PRDM11: variants seen among roughly 807,000 people sequenced by gnomAD.
PRDM11 encodes PR/SET domain 11.
In PRDM11, 20 loss-of-function variants were observed where a neutral mutation model predicts 97.8. The observed-to-expected ratio is 0.20, with a 90% CI of 0.14 to 0.30. The LOEUF is 0.30. Among genes scored for constraint, PRDM11 ranks in the 10% least tolerant of loss-of-function variants. The probability of loss-of-function intolerance (pLI) is 1.00; values close to 1 mark genes in which losing one functional copy is unlikely to be tolerated. For missense variants in PRDM11, 1,139 were observed against 1,555.2 expected (o/e 0.73, Z 4.50); for synonymous variants, 599 against 637.7 (o/e 0.94, Z 0.91).
intron 1 of PRDM11, among the ~76,000 whole-genome samples, chr11:45,120,815 T>C (rs1352640150): frequency 6.6e-6 from 1 of 152,080 alleles, no homozygotes; most frequent in Non-Finnish European, 1.5e-5. Flanking sequence ...AAACCAGCAA[T>C]AATGACAATG....
intron 1 of PRDM11, among the ~76,000 whole-genome samples, chr11:45,115,138 A>G (rs1465618312): frequency 3.1e-5 from 4 of 129,240 alleles, no homozygotes; most frequent in African/African-American, 1.0e-4. Context: ...TAATGTATAT[A>G]GCATGTGTGT....
chr11:45,095,501 G>C (rs990900784), upstream of PRDM11, among the ~76,000 whole-genome samples: 9 of 152,202 alleles, frequency 5.9e-5, no homozygotes, highest in Admixed American at 4.6e-4. Flanking sequence ...CTGTGGCACA[G>C]ATGGCCAGCC....
intron 1 of PRDM11, among the ~76,000 whole-genome samples, chr11:45,101,547 C>T (rs1196182629): frequency 1.0e-5 from 1 of 100,460 alleles, no homozygotes; most frequent in Non-Finnish European, 2.0e-5. Flanking sequence ...CAGAGCAACA[C>T]TCTGTCTCAA....
At chr11:45,202,312 A>G (rs895983401) in intron 4 of PRDM11, among the ~76,000 whole-genome samples, 1 of 152,190 alleles carries the variant, frequency 6.6e-6, no homozygotes, top group African/African-American at 2.4e-5. Flanking sequence ...ACAAATAGAT[A>G]TCAACAAAAT....
At chr11:45,170,004 C>G (rs1436570350) in intron 1 of PRDM11, among the ~76,000 whole-genome samples, 1 of 152,154 alleles carries the variant, frequency 6.6e-6, no homozygotes, top group Non-Finnish European at 1.5e-5. Context: ...GGGAGGCAGA[C>G]AGAAGTGCTG....
At chr11:45,211,080 C>G (rs1195412475) in intron 5 of PRDM11, among the ~76,000 whole-genome samples, 1 of 152,172 alleles carries the variant, frequency 6.6e-6, no homozygotes, top group Non-Finnish European at 1.5e-5. Flanking sequence ...TGGCCAGCTG[C>G]GGCAGCACTC....
intron 4 of PRDM11, among the ~76,000 whole-genome samples, chr11:45,192,105 C>T (rs559252671): frequency 6.6e-6 from 1 of 152,004 alleles, no homozygotes; most frequent in Non-Finnish European, 1.5e-5. Flanking sequence ...TGAGTTGATG[C>T]AAATGTCCTA....
intron 1 of PRDM11, among the ~76,000 whole-genome samples, chr11:45,106,311 G>A (rs563963533): frequency 9.9e-5 from 15 of 152,256 alleles, no homozygotes; most frequent in East Asian, 9.7e-4. Flanking sequence ...CCACACAGCC[G>A]TTCTCGTTGG....
At chr11:45,131,868 G>T (rs1327341220) in intron 1 of PRDM11, among the ~76,000 whole-genome samples, 3 of 152,190 alleles carry the variant, frequency 2.0e-5, no homozygotes, top group African/African-American at 7.2e-5. Flanking sequence ...GTTGGCTAAT[G>T]AAGTTGCTCA....
chr11:45,172,135 G>A (rs898981271), intron 1 of PRDM11, among the ~76,000 whole-genome samples: 4 of 152,142 alleles, frequency 2.6e-5, no homozygotes, highest in African/African-American at 9.7e-5. Context: ...TACTATTACT[G>A]GTTTACATAA....
chr11:45,103,114 C>G (rs1852007254), intron 1 of PRDM11, among the ~76,000 whole-genome samples: 1 of 152,218 alleles, frequency 6.6e-6, no homozygotes, highest in African/African-American at 2.4e-5. Flanking sequence ...ATTCTCTTGT[C>G]TGGTCATCAC....
At chr11:45,181,361 C>A (rs1052744272) in intron 1 of PRDM11, among the ~76,000 whole-genome samples, 1 of 152,212 alleles carries the variant, frequency 6.6e-6, no homozygotes, top group East Asian at 1.9e-4. Flanking sequence ...CTGCCCACTA[C>A]CCCTTGGCCC....
intron 4 of PRDM11, among the ~76,000 whole-genome samples, chr11:45,199,023 G>A (rs1853231462): frequency 1.3e-5 from 2 of 151,920 alleles, no homozygotes; most frequent in African/African-American, 2.4e-5. Flanking sequence ...TTGACATAGT[G>A]AAGGTACTCC....
intron 4 of PRDM11, among the ~76,000 whole-genome samples, chr11:45,202,605 A>T (rs1486712640): frequency 6.6e-6 from 1 of 152,212 alleles, no homozygotes; most frequent in Non-Finnish European, 1.5e-5. Context: ...CTCTTTGAAA[A>T]GTCCTTGTGT....
chr11:45,101,300 G>GTAATCCC (rs1344775960), intron 1 of PRDM11, among the ~76,000 whole-genome samples: 1 of 152,198 alleles, frequency 6.6e-6, no homozygotes, highest in African/African-American at 2.4e-5. Context: ...GCTCACGCCT[G>GTAATCCC]TAATCCCAAC....
At chr11:45,155,466 G>GTGGT (rs1397937022) in intron 1 of PRDM11, among the ~76,000 whole-genome samples, 1 of 152,200 alleles carries the variant, frequency 6.6e-6, no homozygotes, top group Admixed American at 6.5e-5. Context: ...TTGCCGGGAG[G>GTGGT]TGGTTGGCTG....
chr11:45,136,461 C>T (rs548528617), intron 1 of PRDM11, among the ~76,000 whole-genome samples: 47 of 152,154 alleles, frequency 3.1e-4, no homozygotes, highest in South Asian at 6.2e-4. Context: ...TAAAGTATTA[C>T]CAGATTGCAA....
chr11:45,129,679 A>T (rs1852676102), intron 1 of PRDM11, among the ~76,000 whole-genome samples: 1 of 152,326 alleles, frequency 6.6e-6, no homozygotes, highest in Admixed American at 6.5e-5. Flanking sequence ...AGATTGGAAG[A>T]ATCAATATTG....
chr11:45,227,370 C>A lies in PRDM11; in HGVS notation c.2745C>A (p.Ala915=). ...VSQVDDKIEE[A]IQEISRLADS... ...AGGTGGATGACAAGATCGAGGAGGC[C>A]ATCCAGGAGATCAGCCGGCTGGCTG... is the stretch of plus-strand genomic sequence containing the variant. The change falls in exon 8 of 8, where the codon GCC becomes GCA. Residue 915 remains alanine (A), a synonymous_variant. Transcript: ENST00000683152. This position sits in a 1 kb window ranked among gnomAD's most constrained non-coding sequence, Gnocchi z 8.0. The A allele has an allele frequency of 6.5e-7, 1 of 1,533,952 alleles. No homozygotes were observed. Among genetic ancestry groups the A allele is most frequent in the Non-Finnish European group, 8.7e-7 (1 of 1,146,736 alleles).
Sources: allele counts gnomAD v4.1 joint callset (sites outside exome capture counted in the v4.1 genomes callset), GRCh38; gene constraint gnomAD v4.1.1; non-coding constraint Gnocchi (gnomAD v3.1); transcripts MANE v1.5; gene names NCBI Gene and HGNC (gene_info 2026-07-23, HGNC 2026-07-21).